CCSER1: variants seen among roughly 807,000 people sequenced by gnomAD.
CCSER1 encodes the protein coiled-coil serine rich protein 1.
Under a neutral mutation model 82.0 loss-of-function variants are expected in CCSER1, and 41 were observed. That is an observed-to-expected ratio of 0.50 (90% confidence interval 0.39 to 0.65). The LOEUF (loss-of-function observed/expected upper bound fraction) is 0.65. CCSER1 is among the 30% of genes least tolerant of loss of function. The pLI is 0.00. For missense variants in CCSER1, 1,119 were observed against 1,064.2 expected (o/e 1.05, Z -0.72); for synonymous variants, 414 against 383.9 (o/e 1.08, Z -0.92).
At chr4:90,529,202 A>AT (rs1774175719) in intron 5 of CCSER1, among the ~76,000 whole-genome samples, 1 of 151,836 alleles carries the variant, frequency 6.6e-6, no homozygotes, top group African/African-American at 2.4e-5. Flanking sequence ...TGTAATCACT[A>AT]TTTTTTATTT....
In CCSER1 at chr4:91,492,732, G is replaced by A. The variant is rs557568685; in HGVS notation, c.2218-105840G>A. 3.3e-5 allele frequency among the ~76,000 whole-genome samples: 5 copies of A among 152,124 alleles called. No homozygotes were observed. In the South Asian group the frequency reaches 8.3e-4, roughly 25 times the overall value. ...TTCTCTCTGGTCTAAGGCTTTTCAT[G>A]AATAATTTTCTGACTGAGGGAGGAG... is the stretch of plus-strand genomic sequence containing the variant. On this transcript the variant is annotated intron_variant, in intron 10 of 10. Transcript: ENST00000509176.
At chr4:91,182,700 G>T (rs1448398034) in intron 10 of CCSER1, among the ~76,000 whole-genome samples, 1 of 152,194 alleles carries the variant, frequency 6.6e-6, no homozygotes. Context: ...CCACAAAACT[G>T]CAAAAGATGA....
intron 7 of CCSER1, among the ~76,000 whole-genome samples, chr4:90,748,315 C>G (rs2149471396): frequency 6.6e-6 from 1 of 150,914 alleles, no homozygotes; most frequent in East Asian, 2.0e-4. Context: ...CAATAGTTTA[C>G]TGAGAATGAT....
intron 1 of CCSER1, among the ~76,000 whole-genome samples, chr4:90,233,161 A>G (rs1307048442): frequency 1.3e-5 from 2 of 152,192 alleles, no homozygotes; most frequent in African/African-American, 4.8e-5. Context: ...GCTGCTATAA[A>G]GAGACATGAC....
In CCSER1 at chr4:90,923,363, T is replaced by C. The variant is rs936865314; in HGVS notation, c.2095-7T>C. On this transcript the variant is annotated splice_region_variant and splice_polypyrimidine_tract_variant and intron_variant, in intron 8 of 10. Coordinates refer to ENST00000509176, the MANE Select transcript of CCSER1 (RefSeq NM_001145065.2). ...CAATGTGTTGTTGCTGTTTTTTCAT[T>C]TTGCAGGGAAAAGTCCGGCATTTAC... 15 of 1,550,056 alleles carry C rather than the reference T, an allele frequency of 9.7e-6. No individual in the cohort carries two copies. The Admixed American group carries it at 2.9e-4, about 30-fold the overall frequency.
chr4:90,564,256 A>G (rs950001096), intron 5 of CCSER1, among the ~76,000 whole-genome samples: 4 of 151,906 alleles, frequency 2.6e-5, no homozygotes, highest in African/African-American at 4.8e-5. Context: ...GGGTCTCACT[A>G]TGTTGCTCAG....
chr4:90,633,033 T>C (rs1005646614), intron 6 of CCSER1, among the ~76,000 whole-genome samples: 4 of 152,120 alleles, frequency 2.6e-5, no homozygotes, highest in East Asian at 3.9e-4. Flanking sequence ...TCCTCTATCA[T>C]TGGAGCACTT....
At chr4:90,862,760 A>G (rs770478549) in intron 8 of CCSER1, among the ~76,000 whole-genome samples, 2 of 152,036 alleles carry the variant, frequency 1.3e-5, no homozygotes, top group South Asian at 4.1e-4. Flanking sequence ...ACTACTCAGC[A>G]TATTATGCAC....
chr4:90,248,557 T>C (rs1721839011), intron 1 of CCSER1, among the ~76,000 whole-genome samples: 1 of 152,172 alleles, frequency 6.6e-6, no homozygotes. Context: ...TAGGTAAATG[T>C]TGGGTATGCG....
chr4:90,394,585 A>G (rs1751692918), intron 3 of CCSER1, among the ~76,000 whole-genome samples: 1 of 152,200 alleles, frequency 6.6e-6, no homozygotes, highest in South Asian at 2.1e-4. Context: ...TAAATCTTAC[A>G]TACCAATTAA....
At chr4:91,403,855 C>A (rs961223016) in intron 10 of CCSER1, among the ~76,000 whole-genome samples, 2 of 152,074 alleles carry the variant, frequency 1.3e-5, no homozygotes, top group African/African-American at 2.4e-5. Flanking sequence ...GTCTAAAATT[C>A]TCTTTTTTTG....
chr4:90,176,893 C>T (rs1351075083), intron 1 of CCSER1, among the ~76,000 whole-genome samples: 1 of 152,032 alleles, frequency 6.6e-6, no homozygotes, highest in Non-Finnish European at 1.5e-5. Context: ...ATTAGTTAGG[C>T]TGTTGCAAGT....
At chr4:91,054,702 A>AT (rs149064307) in intron 9 of CCSER1, among the ~76,000 whole-genome samples, 15 of 142,386 alleles carry the variant, frequency 1.1e-4, no homozygotes, top group East Asian at 2.4e-4. Flanking sequence ...CAGATTTGAG[A>AT]TTTTTTTTTG....
intron 5 of CCSER1, among the ~76,000 whole-genome samples, chr4:90,491,093 A>T (rs7685727): frequency 0.016 from 2,449 of 152,134 alleles, 40 homozygotes; most frequent in African/African-American, 0.047. Context: ...TGCCATTGAA[A>T]CTATAAATTA....
At position 91,026,878 on chromosome 4, in the gene CCSER1, T is replaced by A. The variant is rs758362743; in HGVS notation, c.2173-59072T>A. On this transcript the variant is annotated intron_variant, in intron 9 of 10. Coordinates refer to ENST00000509176, the MANE Select transcript of CCSER1 (RefSeq NM_001145065.2). ...CTTATTAGGCAGTGAAGATAAAAAC[T>A]GGATGCATTTACGTAAATGGGAAAG... Among the ~76,000 whole-genome samples the A allele has an allele frequency of 1.8e-4, 27 of 152,162 alleles. 1 individual carries two copies. The Middle Eastern group carries it at 0.01, about 58-fold the overall frequency.
At chr4:90,216,723 G>C (rs1316503765) in intron 1 of CCSER1, among the ~76,000 whole-genome samples, 1 of 152,028 alleles carries the variant, frequency 6.6e-6, no homozygotes, top group African/African-American at 2.4e-5. Context: ...TTCCAGCTTT[G>C]TTCTTTTTGT....
At chr4:90,568,555 A>G (rs1258638567) in intron 5 of CCSER1, among the ~76,000 whole-genome samples, 2 of 152,120 alleles carry the variant, frequency 1.3e-5, no homozygotes, top group Non-Finnish European at 2.9e-5. Context: ...TGTCTCTACA[A>G]GTAAAGTGAG....
At chr4:91,428,545 C>T (rs1344260626) in intron 10 of CCSER1, among the ~76,000 whole-genome samples, 1 of 152,020 alleles carries the variant, frequency 6.6e-6, no homozygotes, top group Non-Finnish European at 1.5e-5. Context: ...GATCGTAGTA[C>T]ATCATCACTG....
At chr4:90,784,458 A>G (rs1754205380) in intron 7 of CCSER1, among the ~76,000 whole-genome samples, 1 of 152,222 alleles carries the variant, frequency 6.6e-6, no homozygotes, top group African/African-American at 2.4e-5. Context: ...ACAAGGATGA[A>G]AATGATGTGT....
Sources: allele counts gnomAD v4.1 joint callset (sites outside exome capture counted in the v4.1 genomes callset), GRCh38; gene constraint gnomAD v4.1.1; transcripts MANE v1.5; gene names NCBI Gene and HGNC (gene_info 2026-07-23, HGNC 2026-07-21).